The following UNC13C variants were observed in gnomAD, a reference collection of about 807,000 sequenced individuals.
UNC13C encodes protein unc-13 homolog C.
Under a neutral mutation model 245.4 loss-of-function variants are expected in UNC13C, and 174 were observed. The ratio of observed to expected loss-of-function variants is 0.71; its 90% CI spans 0.63 to 0.80. UNC13C has a LOEUF of 0.80. Among genes scored for constraint, UNC13C ranks in the 30% least tolerant of loss-of-function variants. The pLI is 0.00. For missense variants in UNC13C, 2,829 were observed against 2,602.9 expected, an observed-to-expected ratio of 1.09 and a Z score of -1.89; for synonymous variants, 992 against 895.1, an observed-to-expected ratio of 1.11 and a Z score of -1.93.
At chr15:54,602,071 T>C (rs1899464459) in intron 30 of UNC13C, among the ~76,000 whole-genome samples, 1 of 118,116 alleles carries the variant, frequency 8.5e-6, no homozygotes, top group South Asian at 3.1e-4. Flanking sequence ...TATTCTGGCA[T>C]AGACTGAACA....
intron 29 of UNC13C, among the ~76,000 whole-genome samples, chr15:54,556,846 T>C (rs1416330911): frequency 6.6e-6 from 1 of 151,988 alleles, no homozygotes; most frequent in African/African-American, 2.4e-5. Flanking sequence ...GGTCAATGCA[T>C]GGCTTTAGGA....
intron 29 of UNC13C, among the ~76,000 whole-genome samples, chr15:54,560,394 G>A (rs932094156): frequency 6.6e-6 from 1 of 151,692 alleles, no homozygotes; most frequent in African/African-American, 2.4e-5. Flanking sequence ...AGCTTGCCAA[G>A]CATGCAGGCA....
intron 18 of UNC13C, among the ~76,000 whole-genome samples, chr15:54,398,761 CAGTCTGTTATTATTTTTTTA>C (rs1371513844): frequency 6.6e-6 from 1 of 151,030 alleles, no homozygotes; most frequent in African/African-American, 2.4e-5. Flanking sequence ...TTGTTTATGC[CAGTCTGTTATTATTTTTTTA>C]TGTCTATTAA....
chr15:54,072,709 G>T lies in UNC13C; in HGVS notation c.2983+56823G>T, dbSNP rs562843758. Among the ~76,000 whole-genome samples, 8 of 152,200 alleles carry T rather than the reference G, an allele frequency of 5.3e-5. No individual in the cohort carries two copies. The East Asian group carries it at 1.5e-3, about 29-fold the overall frequency. ...ATCTGGGAACTCTTAGGAGAATTTT[G>T]TCCTCATTTGTCTTATGTAATACAC... On this transcript the variant is annotated intron_variant, in intron 2 of 32. Transcript: ENST00000260323.
chr15:54,216,741 T>A (rs1413622435), intron 4 of UNC13C, among the ~76,000 whole-genome samples: 1 of 152,012 alleles, frequency 6.6e-6, no homozygotes, highest in African/African-American at 2.4e-5. Context: ...ATTAATATTC[T>A]ATGCCCTATT....
chr15:54,284,215 C>T (rs2037080795), intron 10 of UNC13C, among the ~76,000 whole-genome samples: 1 of 152,100 alleles, frequency 6.6e-6, no homozygotes, highest in Admixed American at 6.5e-5. Context: ...AAATAAATAT[C>T]AAACATACAT....
At chr15:54,385,836 T>C (rs1185955449) in intron 17 of UNC13C, among the ~76,000 whole-genome samples, 1 of 152,052 alleles carries the variant, frequency 6.6e-6, no homozygotes, top group African/African-American at 2.4e-5. Flanking sequence ...ATTTGTAAAT[T>C]ATTATATATC....
intron 2 of UNC13C, among the ~76,000 whole-genome samples, chr15:54,066,203 G>A (rs1898068810): frequency 2.6e-5 from 4 of 152,142 alleles, no homozygotes; most frequent in Admixed American, 1.3e-4. Context: ...GAATTAATAA[G>A]TAAAGAGTTA....
chr15:54,337,036 T>C (rs2038595525), intron 16 of UNC13C, among the ~76,000 whole-genome samples: 1 of 152,192 alleles, frequency 6.6e-6, no homozygotes, highest in South Asian at 2.1e-4. Context: ...AAACTTCAAC[T>C]CTGTCCTTAG....
intron 19 of UNC13C, among the ~76,000 whole-genome samples, chr15:54,480,508 T>G (rs1165075542): frequency 6.6e-6 from 1 of 151,536 alleles, no homozygotes; most frequent in African/African-American, 2.4e-5. Context: ...CCTTCTCTAT[T>G]GTTGAAGTTC....
chr15:53,871,171 T>C, the UNC13C span, among the ~76,000 whole-genome samples: 1 of 152,216 alleles, frequency 6.6e-6, no homozygotes, highest in Non-Finnish European at 1.5e-5. Context: ...GGGTCCTGAA[T>C]GTCTGTATGA....
intron 10 of UNC13C, among the ~76,000 whole-genome samples, chr15:54,288,683 T>G (rs1199808665): frequency 6.6e-6 from 1 of 152,090 alleles, no homozygotes; most frequent in African/African-American, 2.4e-5. Flanking sequence ...TGAGTGTACT[T>G]ATAGCGTCTG....
chr15:54,551,679 T>A (rs528285675), intron 28 of UNC13C, among the ~76,000 whole-genome samples: 1 of 152,080 alleles, frequency 6.6e-6, no homozygotes. Flanking sequence ...TGAAATAACA[T>A]GAAGGACTAA....
chr15:54,240,228 G>T (rs545190904), intron 7 of UNC13C, among the ~76,000 whole-genome samples: 2 of 152,188 alleles, frequency 1.3e-5, no homozygotes, highest in East Asian at 3.9e-4. Flanking sequence ...GATTCGTAAA[G>T]CCCATTTCCC....
the UNC13C span, among the ~76,000 whole-genome samples, chr15:53,896,262 C>A: frequency 2.0e-5 from 3 of 152,014 alleles, no homozygotes; most frequent in African/African-American, 4.8e-5. Context: ...AAAAAAAATA[C>A]TCCTAGAGCA....
chr15:54,060,069 T>C (rs548497204), intron 2 of UNC13C, among the ~76,000 whole-genome samples: 9 of 152,314 alleles, frequency 5.9e-5, no homozygotes, highest in Admixed American at 1.3e-4. Flanking sequence ...AAGGACTTCA[T>C]GTCTAAAACA....
chr15:54,188,712 C>T (rs2076996), intron 4 of UNC13C, among the ~76,000 whole-genome samples: 4,524 of 152,158 alleles, frequency 0.03, 229 homozygotes, highest in African/African-American at 0.1. Flanking sequence ...GTCAGACACT[C>T]TAAAAGTACA....
chr15:54,344,236 T>C (rs2038805899), intron 17 of UNC13C, among the ~76,000 whole-genome samples: 1 of 152,346 alleles, frequency 6.6e-6, no homozygotes, highest in Admixed American at 6.5e-5. Context: ...CATACCTTAC[T>C]TGATGTCTTT....
chr15:54,162,361 T>C (rs1415119070), intron 4 of UNC13C, among the ~76,000 whole-genome samples: 1 of 152,140 alleles, frequency 6.6e-6, no homozygotes, highest in Non-Finnish European at 1.5e-5. Flanking sequence ...TGTGACACTA[T>C]GCAATCATGG....
Sources: gnomAD v4.1 joint callset for allele counts (sites outside exome capture counted in the v4.1 genomes callset) on GRCh38, gnomAD v4.1.1 for gene constraint, MANE v1.5 for transcripts, NCBI Gene and HGNC (gene_info 2026-07-23, HGNC 2026-07-21) for gene names.